TAFA4: variants seen among roughly 807,000 people sequenced by gnomAD.
TAFA4 encodes TAFA chemokine like family member 4.
A neutral mutation model predicts 21.1 loss-of-function variants in TAFA4; 20 were observed. The ratio of observed to expected loss-of-function variants is 0.95; its 90% CI spans 0.67 to 1.38. The LOEUF (loss-of-function observed/expected upper bound fraction) is 1.38, where lower values mean the gene tolerates loss of function less well. TAFA4 is among the 40% of genes most tolerant of loss of function. TAFA4 has a pLI of 0.00. For synonymous variants in TAFA4, 71 were observed against 67.4 expected, an observed-to-expected ratio of 1.05 and a Z score of -0.26; for missense variants, 211 against 180.9, an observed-to-expected ratio of 1.17 and a Z score of -0.95.
intron 4 of TAFA4, among the ~76,000 whole-genome samples, chr3:68,747,709 A>G (rs1559757608): frequency 6.6e-6 from 1 of 152,146 alleles, no homozygotes; most frequent in Non-Finnish European, 1.5e-5. Flanking sequence ...TGACGAGGTG[A>G]CCTGTCAAAT....
chr3:68,855,489 G>A (rs1244793266), intron 3 of TAFA4, among the ~76,000 whole-genome samples: 1 of 152,038 alleles, frequency 6.6e-6, no homozygotes, highest in Non-Finnish European at 1.5e-5. Context: ...AAGAGAATAA[G>A]GGTTAAATGC....
chr3:68,896,759 C>A (rs1238496222), intron 1 of TAFA4, among the ~76,000 whole-genome samples: 1 of 152,232 alleles, frequency 6.6e-6, no homozygotes, highest in Admixed American at 6.5e-5. Context: ...GGTCCTCTCA[C>A]ATCCCTGCTG....
chr3:68,784,602 G>C (rs1703215024), intron 3 of TAFA4, among the ~76,000 whole-genome samples: 1 of 152,200 alleles, frequency 6.6e-6, no homozygotes, highest in African/African-American at 2.4e-5. Context: ...GAGTGTTACA[G>C]CTCATAAAGG....
intron 1 of TAFA4, among the ~76,000 whole-genome samples, chr3:68,912,413 T>A (rs1033114464): frequency 2.6e-5 from 4 of 152,240 alleles, no homozygotes; most frequent in African/African-American, 9.6e-5. Flanking sequence ...ACTTCACTAC[T>A]GGCCGCTAAT....
chr3:68,930,774 A>G (rs2090151228), intron 1 of TAFA4, among the ~76,000 whole-genome samples: 1 of 152,216 alleles, frequency 6.6e-6, no homozygotes, highest in South Asian at 2.1e-4. Flanking sequence ...TCACACTGAT[A>G]TGACTATAAA....
chr3:68,841,105 C>T (rs1704652212), intron 3 of TAFA4, among the ~76,000 whole-genome samples: 1 of 73,242 alleles, frequency 1.4e-5, no homozygotes, highest in African/African-American at 4.3e-5. Context: ...GGGCGGATCA[C>T]GAGGTCAGGA....
intron 3 of TAFA4, among the ~76,000 whole-genome samples, chr3:68,849,925 T>G (rs554935413): frequency 1.3e-5 from 2 of 152,216 alleles, no homozygotes; most frequent in Admixed American, 1.3e-4. Context: ...TGCAGTTTTA[T>G]TGAGGTATAA....
chr3:68,871,375 T>C (rs2089480812), intron 3 of TAFA4, among the ~76,000 whole-genome samples: 1 of 152,012 alleles, frequency 6.6e-6, no homozygotes, highest in Non-Finnish European at 1.5e-5. Flanking sequence ...TGAAAAACCA[T>C]ATGCAGAAGA....
chr3:68,916,291 T>G (rs1192956113), intron 1 of TAFA4: 1 of 152,238 alleles, frequency 6.6e-6, no homozygotes, highest in Admixed American at 6.5e-5. Flanking sequence ...ATTGGCAATT[T>G]GGAGGATTCT....
At chr3:68,831,184 T>C (rs1704382031) in intron 3 of TAFA4, among the ~76,000 whole-genome samples, 1 of 152,206 alleles carries the variant, frequency 6.6e-6, no homozygotes, top group Non-Finnish European at 1.5e-5. Context: ...TTTAGCCCAT[T>C]ACATTTAAGG....
intron 1 of TAFA4, among the ~76,000 whole-genome samples, chr3:68,900,562 T>C (rs1419134126): frequency 6.6e-6 from 1 of 151,978 alleles, no homozygotes; most frequent in Non-Finnish European, 1.5e-5. Context: ...CTAGCTAAAA[T>C]CCCAAATTTT....
chr3:68,759,618 A>G (rs1018588020), intron 3 of TAFA4, among the ~76,000 whole-genome samples: 23 of 152,326 alleles, frequency 1.5e-4, no homozygotes, highest in Middle Eastern at 3.4e-3. Context: ...TGGTGTGGCG[A>G]TCCATCTTGA....
intron 3 of TAFA4, among the ~76,000 whole-genome samples, chr3:68,796,522 G>A (rs149400211): frequency 1.3e-5 from 2 of 152,002 alleles, no homozygotes; most frequent in Non-Finnish European, 2.9e-5. Flanking sequence ...CTAAATGTAA[G>A]ACCTAAAACT....
chr3:68,860,216 A>G (rs1223774886), intron 3 of TAFA4, among the ~76,000 whole-genome samples: 1 of 152,118 alleles, frequency 6.6e-6, no homozygotes, highest in Non-Finnish European at 1.5e-5. Flanking sequence ...TCTGAAAACA[A>G]AGTAAACTGA....
chr3:68,761,118 T>C (rs983983586), intron 3 of TAFA4, among the ~76,000 whole-genome samples: 2 of 152,196 alleles, frequency 1.3e-5, no homozygotes, highest in African/African-American at 4.8e-5. Context: ...CAGACTTAGG[T>C]AATTTGATTA....
chr3:68,733,666 C>T (rs752906231), intron 5 of TAFA4, among the ~76,000 whole-genome samples: 2 of 152,064 alleles, frequency 1.3e-5, no homozygotes, highest in Admixed American at 6.6e-5. Flanking sequence ...TGCTTGTGAT[C>T]TAAGAAAATT....
chr3:68,770,019 G>A (rs192115699), intron 3 of TAFA4, among the ~76,000 whole-genome samples: 1 of 152,138 alleles, frequency 6.6e-6, no homozygotes, highest in East Asian at 1.9e-4. Context: ...TTACTATCAT[G>A]AAACTCCAGG....
intron 4 of TAFA4, 46 bp from the exon 5 acceptor site, chr3:68,739,245 C>T (rs770779412): frequency 1.2e-6 from 2 of 1,606,794 alleles, no homozygotes; most frequent in South Asian, 2.2e-5. Flanking sequence ...GTTTCTTCCT[C>T]CAAAGATGGA....
chr3:68,809,668 T>C (rs1218277845), intron 3 of TAFA4, among the ~76,000 whole-genome samples: 3 of 151,996 alleles, frequency 2.0e-5, no homozygotes, highest in Admixed American at 6.6e-5. Flanking sequence ...TCCCCGTTTT[T>C]TCTTCTAGCA....
Sources: allele counts gnomAD v4.1 joint callset (sites outside exome capture counted in the v4.1 genomes callset), GRCh38; gene constraint gnomAD v4.1.1; transcripts MANE v1.5; gene names NCBI Gene and HGNC (gene_info 2026-07-23, HGNC 2026-07-21).